Variants in CFAP221 observed in about 807,000 individuals in gnomAD.
CFAP221 encodes cilia- and flagella-associated protein 221.
CFAP221 carries 97 observed loss-of-function variants against 113.1 expected under a neutral mutation model. The ratio of observed to expected loss-of-function variants is 0.86; its 90% confidence interval spans 0.73 to 1.02. CFAP221 has a LOEUF of 1.02. Ranked by LOEUF, CFAP221 falls within the 50% of genes least tolerant of loss-of-function variation. The probability of loss-of-function intolerance (pLI) is 0.00; values close to 1 mark genes in which losing one functional copy is unlikely to be tolerated. For synonymous variants in CFAP221, 331 were observed against 354.4 expected (o/e 0.93, Z 0.74); for missense variants, 1,025 against 1,013.4 (o/e 1.01, Z -0.16).
intron 14 of CFAP221, among the ~76,000 whole-genome samples, chr2:119,616,163 C>A (rs2104715487): frequency 6.6e-6 from 1 of 152,310 alleles, no homozygotes; most frequent in Middle Eastern, 3.4e-3. Flanking sequence ...ATATAAGAAT[C>A]AAATCAAGAT....
intron 7 of CFAP221, among the ~76,000 whole-genome samples, chr2:119,592,206 A>G (rs1008604801): frequency 6.6e-6 from 1 of 152,238 alleles, no homozygotes; most frequent in Non-Finnish European, 1.5e-5. Context: ...CTTGGATCAT[A>G]TGATATGTAA....
intron 7 of CFAP221, among the ~76,000 whole-genome samples, chr2:119,592,156 G>A (rs1175515944): frequency 6.6e-6 from 1 of 152,044 alleles, no homozygotes; most frequent in Non-Finnish European, 1.5e-5. Flanking sequence ...GGAGGCTGGA[G>A]GCATACGATG....
At chr2:119,638,442 G>T (rs1378893458) in intron 20 of CFAP221, 25 bp downstream of exon 20, 3 of 1,613,240 alleles carry the variant, frequency 1.9e-6, no homozygotes, top group Admixed American at 1.7e-5. Context: ...AGGCTCACTG[G>T]CAGAGTGACC....
intron 17 of CFAP221, among the ~76,000 whole-genome samples, chr2:119,630,202 C>T (rs973579663): frequency 2.0e-5 from 3 of 152,096 alleles, no homozygotes; most frequent in South Asian, 2.1e-4. Flanking sequence ...ATCTGAACTA[C>T]GTATGTTAGA....
At chr2:119,602,240 C>T (rs560474785) in intron 8 of CFAP221, among the ~76,000 whole-genome samples, 5 of 152,178 alleles carry the variant, frequency 3.3e-5, no homozygotes, top group Middle Eastern at 3.4e-3. Flanking sequence ...ATTACCTTGA[C>T]GTGGCATCCT....
chr2:119,568,188 T>C (rs1417067473), intron 6 of CFAP221, among the ~76,000 whole-genome samples: 2 of 152,238 alleles, frequency 1.3e-5, no homozygotes, highest in African/African-American at 2.4e-5. Flanking sequence ...GTATAAGATA[T>C]ATACATAAGA....
intron 6 of CFAP221, among the ~76,000 whole-genome samples, chr2:119,585,998 C>T (rs911035316): frequency 1.3e-5 from 2 of 152,184 alleles, no homozygotes; most frequent in East Asian, 1.9e-4. Context: ...CAACTGTGTT[C>T]TCCTGGGAGT....
chr2:119,561,238 C>T (rs1022876425), intron 5 of CFAP221, among the ~76,000 whole-genome samples: 2 of 151,756 alleles, frequency 1.3e-5, no homozygotes, highest in Non-Finnish European at 2.9e-5. Context: ...TGCGGTGAGC[C>T]AAGGTTGCAC....
chr2:119,605,360 A>C (rs1449116111), intron 11 of CFAP221, 71 bp downstream of exon 11: 1 of 1,209,246 alleles, frequency 8.3e-7, no homozygotes, highest in African/African-American at 1.5e-5. Context: ...TTTATAAATG[A>C]GAGACAGTAA....
At chr2:119,591,500 T>C (rs1683593284) in intron 7 of CFAP221, among the ~76,000 whole-genome samples, 1 of 152,244 alleles carries the variant, frequency 6.6e-6, no homozygotes, top group South Asian at 2.1e-4. Context: ...TATTTACTAA[T>C]TGTTAGCCGC....
intron 11 of CFAP221, 51 bp downstream of exon 11, chr2:119,605,340 G>T (rs375218514): frequency 7.3e-7 from 1 of 1,373,088 alleles, no homozygotes. Flanking sequence ...TTATTTTTAG[G>T]TGATGATCTT....
rs376809317 is a variant in CFAP221 at position 119,611,623 on chromosome 2, C to A, written c.1222-30C>A. 15 of 1,566,982 alleles carry A rather than the reference C, an allele frequency of 9.6e-6. 2 individuals carry two copies. In the South Asian group the frequency reaches 1.7e-4, roughly 18 times the overall value. ...AATTGTTTTACGCATTTATATTCAA[C>A]TTAAATTATTTTGATGATTAAAAAC... On this transcript the variant is annotated intron_variant, in intron 12 of 23. Coordinates refer to ENST00000413369, the MANE Select transcript of CFAP221 (RefSeq NM_001271049.2).
chr2:119,625,150 G>A (rs1686207478), intron 14 of CFAP221, among the ~76,000 whole-genome samples: 1 of 152,174 alleles, frequency 6.6e-6, no homozygotes, highest in Non-Finnish European at 1.5e-5. Context: ...TGAAGGCAAA[G>A]CTCATTGGTA....
chr2:119,545,998 A>C, intron 1 of CFAP221, 87 bp from the exon 2 acceptor site: 1 of 993,584 alleles, frequency 1.0e-6, no homozygotes, highest in Non-Finnish European at 1.4e-6. Flanking sequence ...AGTAAACCAC[A>C]CAGAGACGAG....
intron 12 of CFAP221, among the ~76,000 whole-genome samples, chr2:119,608,964 A>G (rs553200522): frequency 1.8e-4 from 27 of 152,332 alleles, no homozygotes; most frequent in Non-Finnish European, 3.1e-4. Flanking sequence ...ATGAAGACAA[A>G]AGAGACCCAA....
In CFAP221 at chr2:119,605,239, A is replaced by G. The variant is rs769404674; in HGVS notation, c.1083A>G (p.Glu361=). 3.7e-6 allele frequency: 6 copies of G among 1,614,118 alleles called. No individual in the cohort carries two copies. Among genetic ancestry groups the G allele is most frequent in the African/African-American group, 2.7e-5 (2 of 74,946 alleles). The change falls in exon 11 of 24, where the codon GAA becomes GAG. Residue 361 remains glutamate, a synonymous_variant. Coordinates refer to ENST00000413369, the MANE Select transcript of CFAP221 (RefSeq NM_001271049.2). ...GACAGATGAAGGAGGCACTCTTTGA[A>G]CAGAAAGTCAGACAGGACATTCACG... ...KTRQMKEALF[E]QKVRQDIHEE...
At chr2:119,566,249 A>G (rs1681615868) in intron 6 of CFAP221, among the ~76,000 whole-genome samples, 1 of 152,218 alleles carries the variant, frequency 6.6e-6, no homozygotes, top group African/African-American at 2.4e-5. Flanking sequence ...CGTCATCTGT[A>G]GAAAATATTA....
chr2:119,582,576 C>T (rs559962553), intron 6 of CFAP221, among the ~76,000 whole-genome samples: 2 of 152,064 alleles, frequency 1.3e-5, no homozygotes, highest in South Asian at 4.2e-4. Context: ...CCATCTCAGC[C>T]TCCCGAGCAG....
intron 7 of CFAP221, among the ~76,000 whole-genome samples, chr2:119,593,742 G>A (rs577819642): frequency 6.6e-6 from 1 of 152,142 alleles, no homozygotes; most frequent in Non-Finnish European, 1.5e-5. Flanking sequence ...GGAGGCTGAG[G>A]CAGGAGAATG....
Sources: gnomAD v4.1 joint callset for allele counts (sites outside exome capture counted in the v4.1 genomes callset) on GRCh38, gnomAD v4.1.1 for gene constraint, MANE v1.5 for transcripts, NCBI Gene and HGNC (gene_info 2026-07-23, HGNC 2026-07-21) for gene names.